Variants in KCNH8 observed in about 807,000 individuals in gnomAD.
The protein encoded by KCNH8 is voltage-gated delayed rectifier potassium channel KCNH8.
KCNH8 carries 70 observed loss-of-function variants against 103.6 expected under a neutral mutation model. The observed-to-expected ratio is 0.68, with a 90% CI of 0.56 to 0.82. The LOEUF (loss-of-function observed/expected upper bound fraction) is 0.82. Among genes scored for constraint, KCNH8 ranks in the 40% least tolerant of loss-of-function variants. The pLI is 0.00. For missense variants in KCNH8, 1,217 were observed against 1,329.9 expected (o/e 0.92, Z 1.32); for synonymous variants, 498 against 489.4 (o/e 1.02, Z -0.23).
At chr3:19,174,749 G>A (rs938585974) in intron 1 of KCNH8, among the ~76,000 whole-genome samples, 6 of 152,138 alleles carry the variant, frequency 3.9e-5, no homozygotes, top group Non-Finnish European at 5.9e-5. Flanking sequence ...ATAGGAGATG[G>A]ATATGACTGT....
rs540685370 is a variant in KCNH8, at chr3:19,528,867, G to A, written c.2620-4528G>A. Among the ~76,000 whole-genome samples the A allele has an allele frequency of 2.0e-5, 3 of 152,240 alleles. No individual in the cohort carries two copies. In the South Asian group the frequency reaches 6.2e-4, roughly 32 times the overall value. ...CTGAGATAACAGTTTCTACCCTCAA[G>A]GAACTCAACGACTAGTTGGTACAGT... On this transcript the variant is annotated intron_variant, in intron 15 of 15. Coordinates refer to ENST00000328405, the MANE Select transcript of KCNH8 (RefSeq NM_144633.3).
chr3:19,472,537 G>A (rs1388824266), intron 11 of KCNH8, among the ~76,000 whole-genome samples: 1 of 152,112 alleles, frequency 6.6e-6, no homozygotes, highest in African/African-American at 2.4e-5. Flanking sequence ...CATGTAAGAT[G>A]TGACTTGCTC....
At chr3:19,334,226 G>A (rs185241698) in intron 3 of KCNH8, among the ~76,000 whole-genome samples, 59 of 152,268 alleles carry the variant, frequency 3.9e-4, no homozygotes, top group Non-Finnish European at 7.2e-4. Context: ...TTCTGGACAG[G>A]TACACTCGCA....
At chr3:19,480,892 T>G (rs934383613) in intron 11 of KCNH8, among the ~76,000 whole-genome samples, 5 of 152,164 alleles carry the variant, frequency 3.3e-5, no homozygotes, top group African/African-American at 9.7e-5. Context: ...ATTCACAAAG[T>G]GATAGAGCAA....
At chr3:19,362,003 A>G (rs1402030109) in intron 5 of KCNH8, among the ~76,000 whole-genome samples, 4 of 152,134 alleles carry the variant, frequency 2.6e-5, no homozygotes, top group Non-Finnish European at 5.9e-5. Context: ...GTAAATGGGC[A>G]AAGAAGTAGC....
At chr3:19,451,008 G>A in intron 9 of KCNH8, 147 bp from the exon 10 acceptor site, 1 of 733,582 alleles carries the variant, frequency 1.4e-6, no homozygotes, top group Non-Finnish European at 2.3e-6. Flanking sequence ...ATCTCTCCAG[G>A]ATTATACATA....
intron 7 of KCNH8, among the ~76,000 whole-genome samples, chr3:19,423,585 T>TAA (rs2066982415): frequency 6.6e-6 from 1 of 152,028 alleles, no homozygotes. Flanking sequence ...TCCATCCAGG[T>TAA]TGCTGCAAAT....
chr3:19,190,279 G>A (rs1352776086), intron 1 of KCNH8, among the ~76,000 whole-genome samples: 1 of 151,832 alleles, frequency 6.6e-6, no homozygotes, highest in Non-Finnish European at 1.5e-5. Context: ...TGTATCAGCA[G>A]CTGTTCTTCT....
At chr3:19,317,483 C>T (rs1297923876) in intron 3 of KCNH8, among the ~76,000 whole-genome samples, 2 of 151,870 alleles carry the variant, frequency 1.3e-5, no homozygotes, top group Non-Finnish European at 2.9e-5. Context: ...GTCATGTGTA[C>T]TCTTGTAAAC....
At chr3:19,320,813 AT>A (rs146449071) in intron 3 of KCNH8, among the ~76,000 whole-genome samples, 43 of 147,592 alleles carry the variant, frequency 2.9e-4, no homozygotes, top group East Asian at 6.0e-4. Context: ...TGGTCCTGGA[AT>A]TTTTTTTTTG....
chr3:19,196,170 T>C (rs535711306), intron 1 of KCNH8, among the ~76,000 whole-genome samples: 1 of 152,160 alleles, frequency 6.6e-6, no homozygotes, highest in Non-Finnish European at 1.5e-5. Context: ...GCCTCTCCTT[T>C]GTTCAGTTAT....
chr3:19,334,900 T>G (rs2065561202), intron 3 of KCNH8, among the ~76,000 whole-genome samples: 1 of 152,054 alleles, frequency 6.6e-6, no homozygotes, highest in Non-Finnish European at 1.5e-5. Flanking sequence ...TTAATTGTAG[T>G]TAAGCTTATA....
At chr3:19,347,592 T>G in intron 4 of KCNH8, 133 bp from the exon 5 acceptor site, 1 of 1,090,934 alleles carries the variant, frequency 9.2e-7, no homozygotes, top group Non-Finnish European at 1.3e-6. Context: ...GTCACCAACT[T>G]TTAAAAGTCA....
intron 1 of KCNH8, among the ~76,000 whole-genome samples, chr3:19,250,350 A>G (rs983592219): frequency 6.6e-6 from 1 of 152,220 alleles, no homozygotes; most frequent in Non-Finnish European, 1.5e-5. Flanking sequence ...TATAATAATA[A>G]AAGTAAATAT....
At chr3:19,219,806 T>C (rs1431439225) in intron 1 of KCNH8, among the ~76,000 whole-genome samples, 1 of 152,126 alleles carries the variant, frequency 6.6e-6, no homozygotes, top group African/African-American at 2.4e-5. Context: ...TCACTTAGCA[T>C]GCGGAGAAGC....
At chr3:19,404,528 C>T (rs1406408619) in intron 7 of KCNH8, among the ~76,000 whole-genome samples, 1 of 151,786 alleles carries the variant, frequency 6.6e-6, no homozygotes, top group Non-Finnish European at 1.5e-5. Context: ...CTGGATTTTC[C>T]TGAGTTGTGT....
In KCNH8 at chr3:19,198,095, A is replaced by G. The variant is rs531810230; in HGVS notation, c.76+49300A>G. Among the ~76,000 whole-genome samples, 26 of 152,190 alleles carry G rather than the reference A, an allele frequency of 1.7e-4. No individual in the cohort carries two copies. The South Asian group carries it at 5.2e-3, about 30-fold the overall frequency. On this transcript the variant is annotated intron_variant, in intron 1 of 15. Transcript: ENST00000328405. The stretch of plus-strand genomic sequence containing the variant: ...ATTTTTTATAGGTCTCCAATTGCAA[A>G]CATTTATTGAGTATTCGTCATGTGC...
chr3:19,364,366 G>A (rs949196503), intron 5 of KCNH8, among the ~76,000 whole-genome samples: 4 of 152,142 alleles, frequency 2.6e-5, no homozygotes, highest in African/African-American at 7.2e-5. Flanking sequence ...TTCATGGCTC[G>A]GATTTGACCT....
At chr3:19,280,954 G>A (rs1035081845) in intron 2 of KCNH8, among the ~76,000 whole-genome samples, 3 of 152,018 alleles carry the variant, frequency 2.0e-5, no homozygotes, top group Admixed American at 2.0e-4. Context: ...AAATGTCTCA[G>A]CACAGACAAG....
Sources: allele counts gnomAD v4.1 joint callset (sites outside exome capture counted in the v4.1 genomes callset), GRCh38; gene constraint gnomAD v4.1.1; transcripts MANE v1.5; gene names NCBI Gene and HGNC (gene_info 2026-07-23, HGNC 2026-07-21).